Variants in DPP10 observed in about 807,000 individuals in gnomAD.
DPP10 encodes the protein inactive dipeptidyl peptidase 10.
Under a neutral mutation model 120.9 loss-of-function variants are expected in DPP10, and 33 were observed. The ratio of observed to expected loss-of-function variants is 0.27; its 90% CI spans 0.21 to 0.37. The LOEUF is 0.37. Ranked by LOEUF, DPP10 falls within the 10% of genes least tolerant of loss-of-function variation. The probability of loss-of-function intolerance (pLI) is 1.00; values close to 1 mark genes in which losing one functional copy is unlikely to be tolerated. For missense variants in DPP10, 816 were observed against 942.8 expected, an observed-to-expected ratio of 0.87 and a Z score of 1.76; for synonymous variants, 337 against 326.1, an observed-to-expected ratio of 1.03 and a Z score of -0.36.
At chr2:115,694,704 A>G (rs892489915) in intron 7 of DPP10, among the ~76,000 whole-genome samples, 1 of 152,182 alleles carries the variant, frequency 6.6e-6, no homozygotes, top group African/African-American at 2.4e-5. Context: ...ACATGTAACT[A>G]TTGAGAACTC....
chr2:114,673,841 C>T (rs768278189), intron 1 of DPP10, among the ~76,000 whole-genome samples: 2 of 151,882 alleles, frequency 1.3e-5, no homozygotes, highest in African/African-American at 2.4e-5. Context: ...TTTTTTAAAT[C>T]TGCACTAAAA....
chr2:115,189,648 G>C (rs549624652), intron 1 of DPP10, among the ~76,000 whole-genome samples: 2 of 151,848 alleles, frequency 1.3e-5, no homozygotes, highest in African/African-American at 2.4e-5. Context: ...ACTTGGCTTA[G>C]TTGTTCTGCT....
intron 1 of DPP10, among the ~76,000 whole-genome samples, chr2:115,049,631 T>A (rs1214267713): frequency 6.6e-6 from 1 of 152,212 alleles, no homozygotes; most frequent in Non-Finnish European, 1.5e-5. Flanking sequence ...CCTTCATTCA[T>A]ATCAAAAGTA....
intron 1 of DPP10, among the ~76,000 whole-genome samples, chr2:114,531,849 A>T (rs1212623709): frequency 6.6e-6 from 1 of 152,014 alleles, no homozygotes; most frequent in Admixed American, 6.6e-5. Flanking sequence ...GAACTAAGGG[A>T]TGCTCATATA....
At chr2:115,746,320 A>G in intron 10 of DPP10, 137 bp downstream of exon 10, 1 of 764,598 alleles carries the variant, frequency 1.3e-6, no homozygotes, top group Non-Finnish European at 2.2e-6. Context: ...TACATTAGTG[A>G]GGAATGAAGT....
chr2:115,402,870 T>A (rs2068188099), intron 3 of DPP10, among the ~76,000 whole-genome samples: 4 of 136,348 alleles, frequency 2.9e-5, no homozygotes, highest in Non-Finnish European at 4.7e-5. Context: ...TATATATATA[T>A]ATATATGTGT....
At chr2:114,541,448 C>G (rs1361998011) in intron 1 of DPP10, among the ~76,000 whole-genome samples, 1 of 152,144 alleles carries the variant, frequency 6.6e-6, no homozygotes, top group Non-Finnish European at 1.5e-5. Flanking sequence ...TACTCCCTTC[C>G]TCAAAACCCC....
Position 114,549,401 on chromosome 2 carries a change from G to A in DPP10, c.60+106563G>A, listed in dbSNP as rs114209429. ...CGCATAACCTGGAGCGGCAGCTCAC[G>A]CCTATAGTCCCAGCATTTTGGGATG... On this transcript the variant is annotated intron_variant, in intron 1 of 25. Coordinates refer to ENST00000410059, the MANE Select transcript of DPP10 (RefSeq NM_020868.6). Among the ~76,000 whole-genome samples, 800 of 152,162 alleles carry A rather than the reference G, an allele frequency of 5.3e-3. 2 individuals are homozygous for A. Among genetic ancestry groups the A allele is most frequent in the Non-Finnish European group, 9.2e-3 (625 of 67,998 alleles).
At chr2:114,888,408 A>G (rs528455303) in intron 1 of DPP10, among the ~76,000 whole-genome samples, 1 of 152,216 alleles carries the variant, frequency 6.6e-6, no homozygotes, top group Non-Finnish European at 1.5e-5. Flanking sequence ...AGTGATATTG[A>G]CACAAAATGA....
chr2:115,161,838 C>T, intron 1 of DPP10: 3 of 1,032,924 alleles, frequency 2.9e-6, no homozygotes, highest in Non-Finnish European at 3.8e-6. Flanking sequence ...TCCCCCCACC[C>T]CGTCCCTTCC....
At chr2:114,600,055 A>T (rs1182503594) in intron 1 of DPP10, among the ~76,000 whole-genome samples, 1 of 150,898 alleles carries the variant, frequency 6.6e-6, no homozygotes, top group Non-Finnish European at 1.5e-5. Context: ...TCCTCTAGGG[A>T]TCAATTTTTT....
chr2:115,413,545 A>G (rs1007407324), intron 3 of DPP10, among the ~76,000 whole-genome samples: 4 of 152,190 alleles, frequency 2.6e-5, no homozygotes, highest in Non-Finnish European at 4.4e-5. Context: ...TACTTTTGTC[A>G]TCAGGATAAT....
chr2:115,572,731 G>A (rs1266840223), intron 5 of DPP10, among the ~76,000 whole-genome samples: 5 of 152,080 alleles, frequency 3.3e-5, no homozygotes, highest in African/African-American at 1.2e-4. Flanking sequence ...TTAATGTCAG[G>A]GTGTTGATTT....
intron 3 of DPP10, among the ~76,000 whole-genome samples, chr2:115,377,690 A>G (rs1400007643): frequency 6.6e-6 from 1 of 152,112 alleles, no homozygotes; most frequent in Non-Finnish European, 1.5e-5. Context: ...TTTTAGGTTT[A>G]TCGTTTAAGT....
At chr2:114,621,689 C>A (rs1248457291) in intron 1 of DPP10, among the ~76,000 whole-genome samples, 2 of 151,958 alleles carry the variant, frequency 1.3e-5, no homozygotes, top group Non-Finnish European at 2.9e-5. Flanking sequence ...TGAAACCTCT[C>A]TCCTTGTACC....
intron 1 of DPP10, among the ~76,000 whole-genome samples, chr2:115,176,546 A>G (rs2053705306): frequency 6.6e-6 from 1 of 152,086 alleles, no homozygotes. Context: ...TATTATAATA[A>G]CCATCAACTT....
chr2:114,619,259 G>C (rs554532864), intron 1 of DPP10, among the ~76,000 whole-genome samples: 37 of 152,060 alleles, frequency 2.4e-4, no homozygotes, highest in African/African-American at 8.7e-4. Flanking sequence ...CTTTTCAGTG[G>C]CAGTTTAGAA....
At chr2:115,515,568 C>T (rs1042290735) in intron 4 of DPP10, among the ~76,000 whole-genome samples, 1 of 151,976 alleles carries the variant, frequency 6.6e-6, no homozygotes, top group Non-Finnish European at 1.5e-5. Flanking sequence ...ATGGCAGGAA[C>T]ATTTTAAAAA....
intron 5 of DPP10, among the ~76,000 whole-genome samples, chr2:115,673,861 T>C (rs1337131086): frequency 6.6e-6 from 1 of 152,210 alleles, no homozygotes; most frequent in Non-Finnish European, 1.5e-5. Flanking sequence ...TTATAAATTG[T>C]ATCTAATGAT....
Sources: gnomAD v4.1 joint callset for allele counts (sites outside exome capture counted in the v4.1 genomes callset) on GRCh38, gnomAD v4.1.1 for gene constraint, MANE v1.5 for transcripts, NCBI Gene and HGNC (gene_info 2026-07-23, HGNC 2026-07-21) for gene names.